The following RNLS variants were observed in gnomAD, a reference collection of about 807,000 sequenced individuals.
RNLS encodes renalase.
A neutral mutation model predicts 39.8 loss-of-function variants in RNLS; 39 were observed. The observed-to-expected ratio is 0.98, with a 90% CI of 0.76 to 1.28. The LOEUF (loss-of-function observed/expected upper bound fraction) is 1.28, where lower values mean the gene tolerates loss of function less well. Among genes scored for constraint, RNLS ranks in the 50% most tolerant of loss-of-function variants. The probability of loss-of-function intolerance (pLI) is 0.00; values close to 1 mark genes in which losing one functional copy is unlikely to be tolerated. For synonymous variants in RNLS, 147 were observed against 150.7 expected, an observed-to-expected ratio of 0.98 and a Z score of 0.18; for missense variants, 410 against 413.3, an observed-to-expected ratio of 0.99 and a Z score of 0.07.
intron 4 of RNLS, among the ~76,000 whole-genome samples, chr10:88,429,886 CCTGT>C (rs1202156079): frequency 2.6e-5 from 4 of 151,830 alleles, no homozygotes; most frequent in Non-Finnish European, 5.9e-5. Context: ...TTCCGCTGAT[CCTGT>C]CTATCTGTAT....
chr10:88,515,086 A>G (rs1846340475), intron 4 of RNLS, among the ~76,000 whole-genome samples: 1 of 151,534 alleles, frequency 6.6e-6, no homozygotes, highest in South Asian at 2.1e-4. Flanking sequence ...ACTCTAGTCC[A>G]TTGTGCATTT....
At chr10:88,215,541 G>C in the RNLS span, among the ~76,000 whole-genome samples, 3 of 152,036 alleles carry the variant, frequency 2.0e-5, no homozygotes, top group African/African-American at 7.2e-5. Context: ...CTCTGGAGAG[G>C]GGCTTCGCTT....
At chr10:88,329,635 ATATACTAGATATTCTCAT>A (rs1846935105) in intron 5 of RNLS, among the ~76,000 whole-genome samples, 1 of 151,730 alleles carries the variant, frequency 6.6e-6, no homozygotes. Context: ...CTAATTAGGG[ATATACTAGATATTCTCAT>A]TCTATCTTCA....
the RNLS span, among the ~76,000 whole-genome samples, chr10:88,176,061 C>T: frequency 1.4e-4 from 22 of 152,158 alleles, no homozygotes; most frequent in African/African-American, 3.1e-4. Context: ...TGTGGAATAT[C>T]GTATTCCATC....
At chr10:88,549,942 G>T (rs923581175) in intron 4 of RNLS, among the ~76,000 whole-genome samples, 1 of 152,094 alleles carries the variant, frequency 6.6e-6, no homozygotes, top group Non-Finnish European at 1.5e-5. Flanking sequence ...CTCATGATTT[G>T]CTTCACAGAA....
At chr10:88,339,642 C>G (rs1012543763) in intron 5 of RNLS, among the ~76,000 whole-genome samples, 9 of 152,266 alleles carry the variant, frequency 5.9e-5, no homozygotes, top group Non-Finnish European at 1.3e-4. Flanking sequence ...TGACCAGGGA[C>G]AAGCTGAATT....
intron 4 of RNLS, among the ~76,000 whole-genome samples, chr10:88,546,903 C>G (rs1236672844): frequency 9.2e-6 from 1 of 108,536 alleles, no homozygotes; most frequent in African/African-American, 4.4e-5. Context: ...TACCATGAAA[C>G]CAAAAAAAAA....
chr10:88,202,345 G>A, the RNLS span, among the ~76,000 whole-genome samples: 4 of 151,980 alleles, frequency 2.6e-5, no homozygotes, highest in Non-Finnish European at 5.9e-5. Context: ...TATACCTAAT[G>A]TTAAATGAAG....
intron 4 of RNLS, among the ~76,000 whole-genome samples, chr10:88,472,919 TTAAC>T (rs1170011629): frequency 2.0e-5 from 3 of 152,202 alleles, no homozygotes; most frequent in African/African-American, 7.2e-5. Flanking sequence ...TGTTGGGAAT[TTAAC>T]TAGTCATGCA....
At chr10:88,318,793 A>G (rs1448955522) in intron 5 of RNLS, among the ~76,000 whole-genome samples, 1 of 152,246 alleles carries the variant, frequency 6.6e-6, no homozygotes, top group African/African-American at 2.4e-5. Context: ...ACATGGTGTG[A>G]TAGGGGAAGC....
chr10:88,313,670 T>C (rs1206349091), intron 6 of RNLS, among the ~76,000 whole-genome samples: 2 of 152,190 alleles, frequency 1.3e-5, no homozygotes, highest in Non-Finnish European at 2.9e-5. Flanking sequence ...ACAGCTTGGA[T>C]AACCAATAGG....
intron 4 of RNLS, among the ~76,000 whole-genome samples, chr10:88,395,213 A>G (rs1487468945): frequency 7.0e-6 from 1 of 142,342 alleles, no homozygotes; most frequent in Non-Finnish European, 1.5e-5. Context: ...ATTAAAAAAA[A>G]AGTATCAAGA....
At chr10:88,321,157 C>T (rs1846159039) in intron 5 of RNLS, among the ~76,000 whole-genome samples, 1 of 151,884 alleles carries the variant, frequency 6.6e-6, no homozygotes, top group Admixed American at 6.6e-5. Flanking sequence ...TATCAAAAAC[C>T]ACATAAGAAC....
the RNLS span, among the ~76,000 whole-genome samples, chr10:88,268,010 AT>A: frequency 2.0e-5 from 3 of 152,224 alleles, no homozygotes; most frequent in African/African-American, 7.2e-5. Context: ...GGTTCTGTGA[AT>A]TTTGGCAGTG....
chr10:88,464,244 TATC>T (rs1843088326), intron 4 of RNLS, among the ~76,000 whole-genome samples: 1 of 152,144 alleles, frequency 6.6e-6, no homozygotes, highest in Non-Finnish European at 1.5e-5. Context: ...TGGAAATCGA[TATC>T]ATCAGCAAGG....
chr10:88,502,378 G>T (rs1270618655), intron 4 of RNLS, among the ~76,000 whole-genome samples: 1 of 151,900 alleles, frequency 6.6e-6, no homozygotes, highest in African/African-American at 2.4e-5. Context: ...ATTACTTCCT[G>T]AAGAGCAGAG....
At chr10:88,549,079 T>C (rs966265712) in intron 4 of RNLS, among the ~76,000 whole-genome samples, 1 of 152,090 alleles carries the variant, frequency 6.6e-6, no homozygotes, top group African/African-American at 2.4e-5. Context: ...GACTATTGGG[T>C]CACAGGAACA....
the RNLS span, among the ~76,000 whole-genome samples, chr10:88,184,314 T>C: frequency 6.6e-6 from 1 of 152,138 alleles, no homozygotes; most frequent in East Asian, 1.9e-4. Flanking sequence ...CTCCCTGTAA[T>C]ACCCATAGAC....
chr10:88,377,763 CTT>C (rs1190183534), intron 4 of RNLS, among the ~76,000 whole-genome samples: 1 of 152,122 alleles, frequency 6.6e-6, no homozygotes, highest in Non-Finnish European at 1.5e-5. Flanking sequence ...CTTCTGTAGA[CTT>C]TATATACACT....
Sources: gnomAD v4.1 joint callset for allele counts (sites outside exome capture counted in the v4.1 genomes callset) on GRCh38, gnomAD v4.1.1 for gene constraint, MANE v1.5 for transcripts, NCBI Gene and HGNC (gene_info 2026-07-23, HGNC 2026-07-21) for gene names.